The following ZNF365 variants were observed in gnomAD, a reference collection of about 807,000 sequenced individuals.
The protein encoded by ZNF365 is protein ZNF365.
A neutral mutation model predicts 35.0 loss-of-function variants in ZNF365; 22 were observed. That is an observed-to-expected ratio of 0.63 (90% CI 0.45 to 0.90). The LOEUF (loss-of-function observed/expected upper bound fraction) is 0.90, where lower values mean the gene tolerates loss of function less well. Among genes scored for constraint, ZNF365 ranks in the 40% least tolerant of loss-of-function variants. The pLI is 0.00. For synonymous variants in ZNF365, 188 were observed against 196.2 expected (o/e 0.96, Z 0.35); for missense variants, 448 against 500.3 (o/e 0.90, Z 1.00).
chr10:62,401,562 T>A lies in ZNF365; in HGVS notation c.*1773T>A. 1 of 985,094 alleles carries A rather than the reference T, an allele frequency of 1.0e-6. No homozygotes were observed. Among genetic ancestry groups the A allele is most frequent in the Non-Finnish European group, 1.2e-6 (1 of 829,498 alleles). 61.0% of individuals were successfully genotyped at this position (985,094 alleles called of 1,614,324 possible). A position where few individuals can be genotyped will look rare whatever the true frequency, so the allele number is the denominator to read the frequency against. On this transcript the variant is annotated 3_prime_UTR_variant, in exon 5 of 5. Transcript: ENST00000395254. ...AAACATTGCTGTGAATAGCACTGTT[T>A]AGGCTAACATTGTAAAAATTGTAAT...
intron 2 of ZNF365, among the ~76,000 whole-genome samples, chr10:62,384,712 G>A (rs1174828981): frequency 6.6e-6 from 1 of 152,152 alleles, no homozygotes; most frequent in Admixed American, 6.5e-5. Context: ...TTGATGCTGT[G>A]CCAAATGTGA....
At chr10:62,404,009 T>C (rs968993502), downstream of ZNF365, among the ~76,000 whole-genome samples, 1 of 152,068 alleles carries the variant, frequency 6.6e-6, no homozygotes, top group Non-Finnish European at 1.5e-5. Context: ...TTTGTGTTCC[T>C]TTTTTTTGTT....
At chr10:62,379,560 C>A (rs1421360004) in intron 2 of ZNF365, among the ~76,000 whole-genome samples, 1 of 151,868 alleles carries the variant, frequency 6.6e-6, no homozygotes, top group African/African-American at 2.4e-5. Context: ...AGTCTTGTTT[C>A]CAGGGAGGAC....
intron 3 of ZNF365, among the ~76,000 whole-genome samples, chr10:62,423,976 C>T (rs941072026): frequency 6.6e-6 from 1 of 151,976 alleles, no homozygotes; most frequent in Non-Finnish European, 1.5e-5. Context: ...TCTTTTGAGA[C>T]ACTGATGGAA....
intron 3 of ZNF365, among the ~76,000 whole-genome samples, chr10:62,444,396 G>T (rs1054205414): frequency 6.6e-6 from 1 of 152,112 alleles, no homozygotes; most frequent in Non-Finnish European, 1.5e-5. Flanking sequence ...AAGTAGCTGC[G>T]CTCAATTACT....
At chr10:62,435,707 A>AT (rs1211609638) in intron 3 of ZNF365, among the ~76,000 whole-genome samples, 1 of 152,178 alleles carries the variant, frequency 6.6e-6, no homozygotes, top group Non-Finnish European at 1.5e-5. Context: ...CATGCATATT[A>AT]TTTTTACCAT....
intron 4 of ZNF365, among the ~76,000 whole-genome samples, chr10:62,474,445 C>T (rs931652760): frequency 1.3e-5 from 2 of 152,110 alleles, no homozygotes; most frequent in African/African-American, 4.8e-5. Flanking sequence ...GATAAATTGT[C>T]ATGGAAAGTA....
downstream of ZNF365, among the ~76,000 whole-genome samples, chr10:62,403,327 G>A (rs1476108328): frequency 1.3e-5 from 2 of 152,150 alleles, no homozygotes; most frequent in South Asian, 2.1e-4. Flanking sequence ...AGGAGGAAGG[G>A]TTTGTCTTGC....
intron 3 of ZNF365, among the ~76,000 whole-genome samples, chr10:62,432,976 A>T (rs1840356168): frequency 6.6e-6 from 1 of 152,188 alleles, no homozygotes; most frequent in African/African-American, 2.4e-5. Context: ...TTATCATGAG[A>T]TTTAACAAAC....
chr10:62,395,348 T>A (rs538985464), intron 3 of ZNF365, among the ~76,000 whole-genome samples: 80 of 140,722 alleles, frequency 5.7e-4, no homozygotes, highest in Non-Finnish European at 8.1e-4. Flanking sequence ...TCTGACACTC[T>A]TTTTTTTTTT....
intron 4 of ZNF365, 21 bp from the exon 5 acceptor site, chr10:62,399,506 TC>T (rs1176013681): frequency 1.9e-6 from 3 of 1,609,086 alleles, no homozygotes; most frequent in Middle Eastern, 3.3e-4. Context: ...TCTTCTCCAC[TC>T]CCCCCTCCAA....
chr10:62,476,942 G>A (rs1841142265), intron 4 of ZNF365, among the ~76,000 whole-genome samples: 1 of 152,186 alleles, frequency 6.6e-6, no homozygotes, highest in Non-Finnish European at 1.5e-5. Flanking sequence ...AGAAAAAATA[G>A]TTGTATCTTA....
chr10:62,428,394 C>T (rs1002693069), intron 3 of ZNF365, among the ~76,000 whole-genome samples: 5 of 152,078 alleles, frequency 3.3e-5, no homozygotes, highest in Admixed American at 3.3e-4. Flanking sequence ...ATGCTATTCT[C>T]ATGATAGTGA....
At chr10:62,448,981 A>G (rs1840635519) in intron 3 of ZNF365, among the ~76,000 whole-genome samples, 1 of 152,238 alleles carries the variant, frequency 6.6e-6, no homozygotes, top group South Asian at 2.1e-4. Context: ...AATTACAGAA[A>G]CAGAGGCAGT....
chr10:62,396,936 G>C (rs914791946), intron 3 of ZNF365, among the ~76,000 whole-genome samples: 6 of 152,192 alleles, frequency 3.9e-5, no homozygotes, highest in African/African-American at 9.7e-5. Context: ...GAAAATCCTT[G>C]TTTATTTTTA....
At chr10:62,391,347 G>A (rs1191008542) in intron 3 of ZNF365, among the ~76,000 whole-genome samples, 2 of 152,070 alleles carry the variant, frequency 1.3e-5, no homozygotes, top group East Asian at 3.8e-4. Flanking sequence ...AGTGTACACT[G>A]TACCCAGTTT....
At chr10:62,435,092 T>A (rs1418578977) in intron 3 of ZNF365, among the ~76,000 whole-genome samples, 1 of 152,132 alleles carries the variant, frequency 6.6e-6, no homozygotes, top group Non-Finnish European at 1.5e-5. Flanking sequence ...TTTTGGAAAC[T>A]AAATAGAGAA....
chr10:62,417,124 T>C (rs1371400257), intron 3 of ZNF365, among the ~76,000 whole-genome samples: 1 of 152,116 alleles, frequency 6.6e-6, no homozygotes, highest in African/African-American at 2.4e-5. Flanking sequence ...TGACCACTTG[T>C]GTTGTTCCTA....
At position 62,401,037 on chromosome 10, in the gene ZNF365, TC is replaced by T. The variant is rs762266360; in HGVS notation, c.*1250del. 2 of 985,544 alleles carry T rather than the reference TC, an allele frequency of 2.0e-6. No homozygotes were observed. Among genetic ancestry groups the T allele is most frequent in the Non-Finnish European group, 2.4e-6 (2 of 829,914 alleles). 61.0% of individuals were successfully genotyped at this position (985,544 alleles called of 1,614,324 possible). On this transcript the variant is annotated 3_prime_UTR_variant, in exon 5 of 5. Coordinates refer to ENST00000395254, the MANE Select transcript of ZNF365 (RefSeq NM_014951.3). The stretch of plus-strand genomic sequence containing the variant: ...AAGAATGAATTTCCATGTTATTTTT[TC>T]CTTAAATTTAGCAATATCATCAGGT...
Sources: allele counts gnomAD v4.1 joint callset (sites outside exome capture counted in the v4.1 genomes callset), GRCh38; gene constraint gnomAD v4.1.1; transcripts MANE v1.5; gene names NCBI Gene and HGNC (gene_info 2026-07-23, HGNC 2026-07-21).